NEK1: variants seen among roughly 807,000 people sequenced by gnomAD.
NEK1 encodes NIMA related kinase 1, also known as serine/threonine-protein kinase Nek1.
Under a neutral mutation model 182.1 loss-of-function variants are expected in NEK1, and 137 were observed. That is an observed-to-expected ratio of 0.75 (90% CI 0.65 to 0.87). NEK1 has a LOEUF of 0.87. Ranked by LOEUF, NEK1 falls within the 40% of genes least tolerant of loss-of-function variation. NEK1 has a pLI of 0.00. For missense variants in NEK1, 1,391 were observed against 1,494.4 expected (o/e 0.93, Z 1.14); for synonymous variants, 513 against 492.2 (o/e 1.04, Z -0.56).
At chr4:169,473,803 G>C (rs747155751) in intron 26 of NEK1, among the ~76,000 whole-genome samples, 1 of 152,156 alleles carries the variant, frequency 6.6e-6, no homozygotes, top group Non-Finnish European at 1.5e-5. Flanking sequence ...AGAAGAGTGT[G>C]TATGTGTGAG....
At chr4:169,533,340 A>G (rs955384618) in intron 19 of NEK1, among the ~76,000 whole-genome samples, 5 of 152,210 alleles carry the variant, frequency 3.3e-5, no homozygotes, top group African/African-American at 1.2e-4. Context: ...CACTAGCACA[A>G]TGCCATCTTC....
At chr4:169,514,144 C>A (rs1754691052) in intron 19 of NEK1, among the ~76,000 whole-genome samples, 1 of 151,988 alleles carries the variant, frequency 6.6e-6, no homozygotes, top group Admixed American at 6.6e-5. Context: ...TGCCACCACG[C>A]CTGGCTAATT....
intron 23 of NEK1, among the ~76,000 whole-genome samples, chr4:169,495,084 CTTTAT>C (rs1750919806): frequency 1.3e-5 from 2 of 151,926 alleles, no homozygotes; most frequent in Non-Finnish European, 2.9e-5. Flanking sequence ...TGCAGAAGCT[CTTTAT>C]TTTAATTAGA....
intron 2 of NEK1, among the ~76,000 whole-genome samples, chr4:169,605,286 A>T (rs1771152402): frequency 6.6e-6 from 1 of 152,180 alleles, no homozygotes; most frequent in Non-Finnish European, 1.5e-5. Context: ...ATTACTGAAC[A>T]TTGTGGTTCT....
intron 27 of NEK1, among the ~76,000 whole-genome samples, chr4:169,450,316 G>C (rs888698783): frequency 6.6e-6 from 1 of 152,094 alleles, no homozygotes; most frequent in Admixed American, 6.6e-5. Context: ...TCAAATTCAG[G>C]AAATACAGAG....
intron 19 of NEK1, among the ~76,000 whole-genome samples, chr4:169,521,933 T>C (rs1366188164): frequency 6.6e-6 from 1 of 152,230 alleles, no homozygotes; most frequent in Non-Finnish European, 1.5e-5. Flanking sequence ...CTTAAATCTA[T>C]AGGTGAGAAA....
chr4:169,423,129 G>C (rs892893209), intron 31 of NEK1, among the ~76,000 whole-genome samples: 9 of 152,142 alleles, frequency 5.9e-5, no homozygotes, highest in African/African-American at 2.2e-4. Context: ...TTGAGACAGA[G>C]ACTCACTCTG....
chr4:169,584,521 A>C (rs150319857), intron 10 of NEK1, among the ~76,000 whole-genome samples: 8 of 152,278 alleles, frequency 5.3e-5, no homozygotes, highest in African/African-American at 1.7e-4. Flanking sequence ...CTAAGATGGA[A>C]GGATGGCTTG....
At chr4:169,552,173 G>C (rs1761522141) in intron 18 of NEK1, among the ~76,000 whole-genome samples, 1 of 151,944 alleles carries the variant, frequency 6.6e-6, no homozygotes, top group Admixed American at 6.6e-5. Flanking sequence ...GAGATCACGA[G>C]AAAATTATAC....
chr4:169,537,977 C>A, intron 18 of NEK1, 66 bp from the exon 19 acceptor site: 1 of 1,155,882 alleles, frequency 8.7e-7, no homozygotes. Flanking sequence ...TTAAAAATTA[C>A]ATTTATCCTA....
Position 169,540,435 on chromosome 4 carries a change from A to G in NEK1, c.1563-2524T>C, listed in dbSNP as rs546887520. On this transcript the variant is annotated intron_variant, in intron 18 of 35. Coordinates refer to ENST00000507142, the MANE Select transcript of NEK1 (RefSeq NM_001199397.3). Reference sequence around the variant, plus strand: ...AGTGTTTACTACTTCACATACACCAAAAATAGTCCATAACCCACATGCTTA... The same window carrying G: ...AGTGTTTACTACTTCACATACACCAGAAATAGTCCATAACCCACATGCTTA... 2.6e-5 allele frequency among the ~76,000 whole-genome samples: 4 copies of G among 152,238 alleles called. No individual in the cohort carries two copies. The East Asian group carries it at 7.7e-4, about 29-fold the overall frequency.
At chr4:169,570,189 G>A (rs188797184) in intron 12 of NEK1, among the ~76,000 whole-genome samples, 13,223 of 150,134 alleles carry the variant, frequency 0.088, 696 homozygotes, top group African/African-American at 0.15. Context: ...CTGCGACCCC[G>A]TCTGGGAGGT....
At chr4:169,574,954 T>C (rs1050525549) in intron 12 of NEK1, among the ~76,000 whole-genome samples, 7 of 152,174 alleles carry the variant, frequency 4.6e-5, no homozygotes, top group Non-Finnish European at 8.8e-5. Context: ...GAGAGTTTTC[T>C]GGAAGAGATT....
chr4:169,513,027 G>A (rs1178320744), intron 19 of NEK1, among the ~76,000 whole-genome samples: 1 of 152,100 alleles, frequency 6.6e-6, no homozygotes, highest in Non-Finnish European at 1.5e-5. Flanking sequence ...AAATCAGGAA[G>A]AGTTATTCTT....
Position 169,445,865 on chromosome 4 carries a change from T to TATATATATACACACAC in NEK1, c.2588-7607_2588-7606insGTGTGTGTATATATAT, listed in dbSNP as rs569539235. Among the ~76,000 whole-genome samples, 19 of 143,252 alleles carry TATATATATACACACAC rather than the reference T, an allele frequency of 1.3e-4. 1 individual carries two copies. The South Asian group carries it at 3.4e-3, about 26-fold the overall frequency. 94.0% of individuals were successfully genotyped at this position (143,252 alleles called of 152,430 possible). A position where few individuals can be genotyped will look rare whatever the true frequency, so the allele number is the denominator to read the frequency against. Reference sequence around the variant, plus strand: ...AACTATATACATATATATATATATATACACACACACACACACACACATGCA... The same window carrying TATATATATACACACAC: ...AACTATATACATATATATATATATATATATATATACACACACACACACACACACACACACACATGCA... On this transcript the variant is annotated intron_variant, in intron 27 of 35. Coordinates refer to ENST00000507142, the MANE Select transcript of NEK1 (RefSeq NM_001199397.3).
chr4:169,555,082 G>A (rs10024935), intron 18 of NEK1: 13,404 of 152,372 alleles, frequency 0.088, 762 homozygotes, highest in African/African-American at 0.16. Context: ...GTGTAAGTCT[G>A]TAACCTTCCT....
intron 18 of NEK1, among the ~76,000 whole-genome samples, chr4:169,542,834 A>T (rs985695117): frequency 2.7e-5 from 4 of 150,570 alleles, no homozygotes; most frequent in Non-Finnish European, 4.4e-5. Flanking sequence ...TTGCCCGCTT[A>T]TTGATGGGGT....
intron 12 of NEK1, among the ~76,000 whole-genome samples, chr4:169,563,733 T>C (rs1473164864): frequency 6.6e-6 from 1 of 152,238 alleles, no homozygotes; most frequent in Non-Finnish European, 1.5e-5. Flanking sequence ...TTCAGGTGTG[T>C]ATACATACTG....
intron 7 of NEK1, 85 bp from the exon 8 acceptor site, chr4:169,588,820 A>G: frequency 1.2e-6 from 1 of 810,042 alleles, no homozygotes; most frequent in Non-Finnish European, 2.1e-6. Flanking sequence ...AGCAGATCGC[A>G]TATATGATGC....
Sources: gnomAD v4.1 joint callset for allele counts (sites outside exome capture counted in the v4.1 genomes callset) on GRCh38, gnomAD v4.1.1 for gene constraint, MANE v1.5 for transcripts, NCBI Gene and HGNC (gene_info 2026-07-23, HGNC 2026-07-21) for gene names.